MYBPC3: variants seen among roughly 807,000 people sequenced by gnomAD.
MYBPC3 encodes the protein myosin-binding protein C, cardiac-type.
In MYBPC3, 108 loss-of-function variants were observed where a neutral mutation model predicts 159.3. The observed-to-expected ratio is 0.68, with a 90% CI of 0.58 to 0.80. MYBPC3 has a LOEUF of 0.80. Among genes scored for constraint, MYBPC3 ranks in the 30% least tolerant of loss-of-function variants. The pLI is 0.00. For synonymous variants in MYBPC3, 730 were observed against 702.0 expected (o/e 1.04, Z -0.63); for missense variants, 1,631 against 1,762.1 (o/e 0.93, Z 1.33).
intron 5 of MYBPC3, 108 bp downstream of exon 5, chr11:47,349,666 G>A: frequency 7.1e-7 from 1 of 1,416,084 alleles, no homozygotes; most frequent in East Asian, 2.5e-5. Flanking sequence ...CCCCTTGCTT[G>A]CAGCTCGTGT....
rs756102881 is a variant in MYBPC3, at chr11:47,338,657, C to T, written c.2171G>A (p.Arg724Gln). The T allele has an allele frequency of 1.2e-5, 19 of 1,613,088 alleles. No homozygotes were observed. Among genetic ancestry groups the T allele is most frequent in the Non-Finnish European group, 1.4e-5 (17 of 1,179,526 alleles). ...DKKLLCETEG[R>Q]VRVETTKDRS... ...GTCCTTGGTGGTCTCCACGCGGACC[C>T]GGCCCTCGGTCTCACACAGCAGCTG... The change falls in exon 23 of 35, where the codon CGG becomes CAG. Residue 724 changes from arginine to glutamine, a missense_variant. By Grantham distance (43) the Arg-to-Gln change is conservative. Coordinates refer to ENST00000545968, the MANE Select transcript of MYBPC3 (RefSeq NM_000256.3). This position sits in a 1 kb window ranked among gnomAD's most constrained non-coding sequence, Gnocchi z 4.7.
At position 47,351,138 on chromosome 11, in the gene MYBPC3, A is replaced by G. The variant is rs2095900398; in HGVS notation, c.292+101T>C. ...GGGGCACAGCCACAGCAAAGGCAAG[A>G]AAGTGTGAAAGCACCTCCTGTTCCC... On this transcript the variant is annotated intron_variant, in intron 2 of 34. Transcript: ENST00000545968. This position sits in a 1 kb window ranked among gnomAD's most constrained non-coding sequence, Gnocchi z 4.2. 1.4e-5 allele frequency: 20 copies of G among 1,383,336 alleles called. No individual in the cohort carries two copies. The South Asian group carries it at 3.1e-4, about 21-fold the overall frequency. 85.7% of individuals were successfully genotyped at this position (1,383,336 alleles called of 1,614,324 possible). A position where few individuals can be genotyped will look rare whatever the true frequency, so the allele number is the denominator to read the frequency against.
chr11:47,344,326 T>C (rs1370254809), intron 12 of MYBPC3, among the ~76,000 whole-genome samples: 1 of 152,168 alleles, frequency 6.6e-6, no homozygotes, highest in East Asian at 1.9e-4. Context: ...TGCCCAGCAC[T>C]CTCACTCCCA....
At chr11:47,331,932 A>G (rs1314294825) in intron 33 of MYBPC3, 51 bp from the exon 34 acceptor site, 13 of 1,604,394 alleles carry the variant, frequency 8.1e-6, no homozygotes, top group South Asian at 6.7e-5. Context: ...TCTGGAAGCT[A>G]TTGCCCATCT....
chr11:47,336,947 A>C (rs2142854676), intron 25 of MYBPC3, among the ~76,000 whole-genome samples: 1 of 152,230 alleles, frequency 6.6e-6, no homozygotes, highest in Non-Finnish European at 1.5e-5. Context: ...CCCTCCACTA[A>C]CTACAGCCCT....
In MYBPC3 at chr11:47,332,658, C is replaced by A. The variant is rs199669878; in HGVS notation, c.3535G>T (p.Glu1179Ter). The change falls in exon 32 of 35, where the codon GAG becomes TAG. Residue 1179 changes from glutamate to a stop codon, truncating the protein, a stop_gained. Transcript: ENST00000545968. LOFTEE classifies it high-confidence loss of function. This position sits in a 1 kb window ranked among gnomAD's most constrained non-coding sequence, Gnocchi z 4.2. ...PPNYKALDFS[E>*]APSFTQPLVN... ...AGGGGCTGGGTGAAGCTTGGGGCCT[C>A]GGAGAAGTCCAGGGCCTTATAGTTG... is the stretch of plus-strand genomic sequence containing the variant. 1 of 1,613,518 alleles carries A rather than the reference C, an allele frequency of 6.2e-7. No homozygotes were observed. Among genetic ancestry groups the A allele is most frequent in the South Asian group, 1.1e-5 (1 of 91,052 alleles).
chr11:47,333,089 GA>G lies in MYBPC3; in HGVS notation c.3330+104del. 2.0e-6 allele frequency: 3 copies of G among 1,520,280 alleles called. No individual in the cohort carries two copies. The Admixed American group carries it at 6.0e-5, about 30-fold the overall frequency. The allele number at this position is 1,520,280 out of a possible 1,614,324, so 94.2% of individuals were successfully genotyped here. On this transcript the variant is annotated intron_variant, in intron 30 of 34. Transcript: ENST00000545968. ...TACTATGGAGGGATTCAGATCAGCA[GA>G]GGGAGGGTGAGGGGTCCACGGTGAG...
Position 47,351,393 on chromosome 11 carries a change from G to C in MYBPC3, c.138C>G (p.Gly46=), listed in dbSNP as rs767973005. ...ACTTGTTGCTGGCGCTGATGTCACTGCCTCCGCGCTGCCAGCGCACCTTCA... is the reference window on the plus strand; with the variant it reads ...ACTTGTTGCTGGCGCTGATGTCACTCCCTCCGCGCTGCCAGCGCACCTTCA... ...AGVKVRWQRG[G]SDISASNKYG... is the part of the protein sequence containing the mutation. The change falls in exon 2 of 35, where the codon GGC becomes GGG. Residue 46 remains glycine (G), a synonymous_variant. Transcript: ENST00000545968. The surrounding 1 kb of genome is among the most constrained non-coding windows in gnomAD (Gnocchi z 4.2). 2.5e-6 allele frequency: 4 copies of C among 1,609,568 alleles called. No individual in the cohort carries two copies. The highest frequency in any genetic ancestry group is 1.7e-6 in the Non-Finnish European group (2 of 1,178,476).
At chr11:47,344,134 C>T (rs980464114) in intron 12 of MYBPC3, among the ~76,000 whole-genome samples, 1 of 152,226 alleles carries the variant, frequency 6.6e-6, no homozygotes, top group Admixed American at 6.5e-5. Flanking sequence ...GTCTGTCTGA[C>T]CTTGTCCTTC....
intron 5 of MYBPC3, 33 bp downstream of exon 5, chr11:47,349,741 C>T: frequency 6.3e-7 from 1 of 1,594,890 alleles, no homozygotes; most frequent in African/African-American, 1.3e-5. Flanking sequence ...CATGTCCCCT[C>T]TCTCCGTGTC....
rs549239819 is a variant in MYBPC3, at chr11:47,351,343, C to T, written c.188G>A (p.Arg63Gln). 50 of 1,600,128 alleles carry T rather than the reference C, an allele frequency of 3.1e-5. No homozygotes were observed. The highest frequency in any genetic ancestry group is 3.8e-5 in the Non-Finnish European group (45 of 1,173,812). Residue 63 changes from arginine (R) to glutamine (Q), a missense_variant, in exon 2 of 35, where the codon CGG (arginine) becomes CAG (glutamine). Transcript: ENST00000545968. This position sits in a 1 kb window ranked among gnomAD's most constrained non-coding sequence, Gnocchi z 4.2. ...CACTTCCCGCACTGTCAGCGTATGC[C>T]GTGTGCCCTCTGTGGCCAGGCCGTA... ...NKYGLATEGT[R>Q]HTLTVREVGP...
At chr11:47,333,159 AG>A in intron 30 of MYBPC3, 34 bp downstream of exon 30, 1 of 1,588,590 alleles carries the variant, frequency 6.3e-7, no homozygotes, top group South Asian at 1.1e-5. Context: ...GGGCCTAGGC[AG>A]GGTGCACGTG....
At position 47,348,886 on chromosome 11, in the gene MYBPC3, C is replaced by G. The variant is rs186838407; in HGVS notation, c.655-345G>C. On this transcript the variant is annotated intron_variant, in intron 5 of 34. Transcript: ENST00000545968. Reference sequence around the variant, plus strand: ...AGCCACTGCACTCCAGCCTGAGCGACAGAGCGAGACCCTGTCTCAAATTAT... The same window carrying G: ...AGCCACTGCACTCCAGCCTGAGCGAGAGAGCGAGACCCTGTCTCAAATTAT... Among the ~76,000 whole-genome samples the G allele has an allele frequency of 0.012, 633 of 52,316 alleles. 6 individuals are homozygous for G. The highest frequency in any genetic ancestry group is 0.034 in the African/African-American group (583 of 17,046). The allele number at this position is 52,316 out of a possible 152,430, so 34.3% of individuals were successfully genotyped here. A position where few individuals can be genotyped will look rare whatever the true frequency, so the allele number is the denominator to read the frequency against.
chr11:47,341,397 A>T (rs1565627305), intron 18 of MYBPC3, among the ~76,000 whole-genome samples, 153 bp from the exon 19 acceptor site: 1 of 152,222 alleles, frequency 6.6e-6, no homozygotes, highest in Admixed American at 6.5e-5. Flanking sequence ...ATATTATCTA[A>T]TTTTCCAGCT....
chr11:47,341,917 C>G, intron 18 of MYBPC3, 74 bp downstream of exon 18: 2 of 1,523,706 alleles, frequency 1.3e-6, no homozygotes, highest in Non-Finnish European at 1.8e-6. Context: ...CTCTCTCTCT[C>G]TGTTTCTCCC....
In MYBPC3 at chr11:47,346,453, T is replaced by G. The variant is rs1162777513; in HGVS notation, c.927-83A>C. 6.8e-7 allele frequency: 1 copy of G among 1,470,506 alleles called. No homozygotes were observed. The highest frequency in any genetic ancestry group is 1.4e-5 in the African/African-American group (1 of 70,948). The allele number at this position is 1,470,506 out of a possible 1,614,324, so 91.1% of individuals were successfully genotyped here. On this transcript the variant is annotated intron_variant, in intron 11 of 34. Coordinates refer to ENST00000545968, the MANE Select transcript of MYBPC3 (RefSeq NM_000256.3). The surrounding 1 kb of genome is among the most constrained non-coding windows in gnomAD (Gnocchi z 5.3). The stretch of plus-strand genomic sequence containing the variant: ...CTTCCTGGGCCCAGGACCAAGGAGC[T>G]GTAGCCACCCCTGTCCCTCTGCCCC...
rs751655461 is a variant in MYBPC3 at position 47,343,471 on chromosome 11, C to G, written c.1223+21G>C. The G allele has an allele frequency of 2.2e-5, 35 of 1,565,838 alleles. No homozygotes were observed. In the Admixed American group the frequency reaches 3.4e-4, roughly 15 times the overall value. ...GGGTCCCCACCTCCACCCGAGCCCC[C>G]CTCCCCACCCCAGGCTGCACCTGCC... On this transcript the variant is annotated intron_variant, in intron 13 of 34. Transcript: ENST00000545968.
chr11:47,339,213 C>A (rs2095885720), intron 22 of MYBPC3, 111 bp downstream of exon 22: 2 of 1,191,330 alleles, frequency 1.7e-6, no homozygotes, highest in Non-Finnish European at 2.5e-6. Flanking sequence ...GGCAGCAACA[C>A]ACCCGGCCAA....
Position 47,346,711 on chromosome 11 carries a change from A to G in MYBPC3, c.909-67T>C, listed in dbSNP as rs2095894531. On this transcript the variant is annotated intron_variant, in intron 10 of 34. Transcript: ENST00000545968. The surrounding 1 kb of genome is among the most constrained non-coding windows in gnomAD (Gnocchi z 5.3). Reference sequence around the variant, plus strand: ...TGAGAGGTATGGCCACCTTCCCTCAAAGACCTGGACCCCACCCATGGGCCT... The same window carrying G: ...TGAGAGGTATGGCCACCTTCCCTCAGAGACCTGGACCCCACCCATGGGCCT... The G allele has an allele frequency of 6.7e-7, 1 of 1,490,478 alleles. No homozygotes were observed. Among genetic ancestry groups the G allele is most frequent in the Admixed American group, 2.1e-5 (1 of 47,248 alleles). 92.3% of individuals were successfully genotyped at this position (1,490,478 alleles called of 1,614,324 possible).
Sources: allele counts gnomAD v4.1 joint callset (sites outside exome capture counted in the v4.1 genomes callset), GRCh38; gene constraint gnomAD v4.1.1; non-coding constraint Gnocchi (gnomAD v3.1); transcripts MANE v1.5; gene names NCBI Gene and HGNC (gene_info 2026-07-23, HGNC 2026-07-21).